Variants in EVA1A observed in about 807,000 individuals in gnomAD.
The protein encoded by EVA1A is eva-1 homolog A, regulator of programmed cell death.
In EVA1A, 7 loss-of-function variants were observed where a neutral mutation model predicts 9.8. That is an observed-to-expected ratio of 0.71 (90% CI 0.41 to 1.34). The LOEUF (loss-of-function observed/expected upper bound fraction) is 1.34, where lower values mean the gene tolerates loss of function less well. EVA1A is among the 40% of genes most tolerant of loss of function. The pLI, the probability that EVA1A is intolerant of heterozygous loss-of-function variation, is 0.01. For missense variants in EVA1A, 206 were observed against 205.9 expected, an observed-to-expected ratio of 1.00 and a Z score of 0.00; for synonymous variants, 90 against 85.6, an observed-to-expected ratio of 1.05 and a Z score of -0.28.
At chr2:75,532,281 T>C (rs900395492) in intron 1 of EVA1A, among the ~76,000 whole-genome samples, 1 of 150,434 alleles carries the variant, frequency 6.6e-6, no homozygotes, top group African/African-American at 2.4e-5. Flanking sequence ...ACTTGGCGTA[T>C]GAAAAGAACT....
chr2:75,524,962 T>G (rs79511012), intron 1 of EVA1A, among the ~76,000 whole-genome samples: 1,630 of 152,220 alleles, frequency 0.011, 28 homozygotes, highest in African/African-American at 0.038. Flanking sequence ...TATAGAGTGA[T>G]TACATATATA....
At chr2:75,566,019 G>GTCTCACC (rs1677020692) in intron 1 of EVA1A, among the ~76,000 whole-genome samples, 1 of 151,866 alleles carries the variant, frequency 6.6e-6, no homozygotes, top group African/African-American at 2.4e-5. Flanking sequence ...TTCTCCAGTT[G>GTCTCACC]TCTCACCTTT....
intron 3 of EVA1A, among the ~76,000 whole-genome samples, chr2:75,498,538 A>G (rs1382500181): frequency 6.6e-6 from 1 of 152,346 alleles, no homozygotes; most frequent in Non-Finnish European, 1.5e-5. Flanking sequence ...GAGGGATATG[A>G]GAACCTTCTG....
intron 1 of EVA1A, among the ~76,000 whole-genome samples, chr2:75,547,720 T>A (rs1676381970): frequency 6.6e-6 from 1 of 152,170 alleles, no homozygotes; most frequent in Admixed American, 6.5e-5. Flanking sequence ...GTTCCCTGAA[T>A]TAAAGCAATA....
intron 1 of EVA1A, among the ~76,000 whole-genome samples, chr2:75,556,214 G>C (rs1351817008): frequency 1.3e-5 from 2 of 152,160 alleles, no homozygotes; most frequent in African/African-American, 4.8e-5. Flanking sequence ...GCACTAAACA[G>C]GGTTTCACAC....
Position 75,493,032 on chromosome 2 carries a change from G to A in EVA1A, c.*204C>T, listed in dbSNP as rs1314069438. ...CAGCACCATTCCGAGACCTGGAAAG[G>A]GTGATGAACTGCTTTGATTTTTCTA... On this transcript the variant is annotated 3_prime_UTR_variant, in exon 4 of 4. Transcript: ENST00000393913. The A allele has an allele frequency of 1.4e-6, 1 of 693,216 alleles. No homozygotes were observed. The highest frequency in any genetic ancestry group is 1.8e-5 in the African/African-American group (1 of 56,048). 42.9% of individuals were successfully genotyped at this position (693,216 alleles called of 1,614,324 possible). A position where few individuals can be genotyped will look rare whatever the true frequency, so the allele number is the denominator to read the frequency against.
At chr2:75,566,209 A>G (rs1677023692) in intron 1 of EVA1A, among the ~76,000 whole-genome samples, 1 of 152,228 alleles carries the variant, frequency 6.6e-6, no homozygotes, top group Non-Finnish European at 1.5e-5. Flanking sequence ...AGTATGCCTT[A>G]TTTATAGTCC....
intron 1 of EVA1A, among the ~76,000 whole-genome samples, chr2:75,554,979 C>T (rs1234428611): frequency 6.6e-6 from 1 of 152,204 alleles, no homozygotes; most frequent in African/African-American, 2.4e-5. Context: ...AGGAATGGGA[C>T]TTCCATGCTA....
At chr2:75,562,970 C>G (rs1322830092), upstream of EVA1A, among the ~76,000 whole-genome samples, 2 of 152,192 alleles carry the variant, frequency 1.3e-5, no homozygotes, top group Non-Finnish European at 2.9e-5. Context: ...GGGCCCTAAT[C>G]TTGAGCCTAC....
intron 3 of EVA1A, among the ~76,000 whole-genome samples, chr2:75,500,708 C>T (rs951343078): frequency 6.6e-6 from 1 of 151,964 alleles, no homozygotes; most frequent in African/African-American, 2.4e-5. Flanking sequence ...CTCTCTATCC[C>T]TTTCTTTCCC....
intron 3 of EVA1A, among the ~76,000 whole-genome samples, chr2:75,505,382 T>C (rs1674580268): frequency 6.6e-6 from 1 of 152,216 alleles, no homozygotes; most frequent in Admixed American, 6.5e-5. Flanking sequence ...TTCGATTCTC[T>C]GGGCATTCAG....
At chr2:75,555,336 T>TCCCTCTCTCTCC (rs1676672338) in intron 1 of EVA1A, among the ~76,000 whole-genome samples, 1 of 102,744 alleles carries the variant, frequency 9.7e-6, no homozygotes, top group Non-Finnish European at 2.2e-5. Flanking sequence ...TCTCTCTCTC[T>TCCCTCTCTCTCC]CCCCCATCTC....
chr2:75,524,706 C>T (rs538453696), intron 1 of EVA1A, among the ~76,000 whole-genome samples: 1 of 152,066 alleles, frequency 6.6e-6, no homozygotes, highest in Non-Finnish European at 1.5e-5. Context: ...ATAGAGGGCA[C>T]CCTACATGAA....
At chr2:75,527,812 C>T (rs1363711148) in intron 1 of EVA1A, among the ~76,000 whole-genome samples, 1 of 152,070 alleles carries the variant, frequency 6.6e-6, no homozygotes, top group Non-Finnish European at 1.5e-5. Context: ...AAATTTTGCT[C>T]CAAGAACCAC....
intron 3 of EVA1A, among the ~76,000 whole-genome samples, chr2:75,508,967 T>C (rs773081210): frequency 2.0e-5 from 3 of 152,064 alleles, no homozygotes; most frequent in Non-Finnish European, 4.4e-5. Context: ...ATATATAACC[T>C]CTACTCTCAC....
At chr2:75,549,559 G>C (rs756511720) in intron 1 of EVA1A, among the ~76,000 whole-genome samples, 1 of 152,152 alleles carries the variant, frequency 6.6e-6, no homozygotes, top group Non-Finnish European at 1.5e-5. Context: ...GGAGGGGTCC[G>C]GCAGGGATGA....
At chr2:75,522,863 A>C (rs1675282027) in intron 1 of EVA1A, among the ~76,000 whole-genome samples, 1 of 152,156 alleles carries the variant, frequency 6.6e-6, no homozygotes, top group South Asian at 2.1e-4. Context: ...GAAGGGAGGG[A>C]ATTCTGTTTC....
intron 1 of EVA1A, chr2:75,540,830 A>G (rs1176576096): frequency 1.3e-5 from 2 of 152,122 alleles, no homozygotes; most frequent in East Asian, 1.9e-4. Flanking sequence ...AACAGAAGAC[A>G]CCAACACCAG....
At chr2:75,557,662 G>A (rs1676762835) in intron 1 of EVA1A, among the ~76,000 whole-genome samples, 1 of 152,222 alleles carries the variant, frequency 6.6e-6, no homozygotes, top group South Asian at 2.1e-4. Flanking sequence ...CCAGGCAGGT[G>A]TGTGTTGACT....
Sources: gnomAD v4.1 joint callset for allele counts (sites outside exome capture counted in the v4.1 genomes callset) on GRCh38, gnomAD v4.1.1 for gene constraint, MANE v1.5 for transcripts, NCBI Gene and HGNC (gene_info 2026-07-23, HGNC 2026-07-21) for gene names.